Variants in OTUD7A observed in about 807,000 individuals in gnomAD.
OTUD7A encodes the protein OTU domain-containing protein 7A.
OTUD7A carries 12 observed loss-of-function variants against 65.7 expected under a neutral mutation model. The ratio of observed to expected loss-of-function variants is 0.18; its 90% confidence interval spans 0.12 to 0.30. The LOEUF (loss-of-function observed/expected upper bound fraction) is 0.30, where lower values mean the gene tolerates loss of function less well. Ranked by LOEUF, OTUD7A falls within the 10% of genes least tolerant of loss-of-function variation. The pLI, the probability that OTUD7A is intolerant of heterozygous loss-of-function variation, is 1.00. For missense variants in OTUD7A, 1,148 were observed against 1,304.8 expected (o/e 0.88, Z 1.85); for synonymous variants, 641 against 586.3 (o/e 1.09, Z -1.35).
chr15:31,615,565 T>C (rs1890561091), intron 3 of OTUD7A, among the ~76,000 whole-genome samples: 1 of 152,208 alleles, frequency 6.6e-6, no homozygotes, highest in Admixed American at 6.5e-5. Context: ...ATAATCAGTA[T>C]GGATTTAAAT....
chr15:31,853,983 A>C (rs1408551598), intron 1 of OTUD7A, among the ~76,000 whole-genome samples: 1 of 152,220 alleles, frequency 6.6e-6, no homozygotes, highest in African/African-American at 2.4e-5. Context: ...CTTTATAAAA[A>C]TATTTCCCAT....
intron 12 of OTUD7A, among the ~76,000 whole-genome samples, chr15:31,485,435 C>T (rs1372771240): frequency 1.3e-5 from 2 of 152,126 alleles, no homozygotes; most frequent in Admixed American, 6.5e-5. Flanking sequence ...GGCCTGCGCT[C>T]AGCAAAAAAG....
At chr15:31,799,600 C>G (rs1253400365) in intron 1 of OTUD7A, among the ~76,000 whole-genome samples, 1 of 152,172 alleles carries the variant, frequency 6.6e-6, no homozygotes, top group African/African-American at 2.4e-5. Context: ...AGGCATCCAC[C>G]TGCAGGTCAA....
intron 1 of OTUD7A, among the ~76,000 whole-genome samples, chr15:31,869,722 TTTTATTACA>T (rs1227784596): frequency 1.3e-5 from 2 of 152,154 alleles, no homozygotes; most frequent in Non-Finnish European, 2.9e-5. Flanking sequence ...GGCAAATCCA[TTTTATTACA>T]GAGATTCTCA....
chr15:31,497,015 A>T (rs966849102), intron 10 of OTUD7A, among the ~76,000 whole-genome samples: 2 of 152,088 alleles, frequency 1.3e-5, no homozygotes, highest in Admixed American at 1.3e-4. Flanking sequence ...TGCAGTCTGC[A>T]GCCGTTTCAG....
chr15:31,835,469 T>C (rs1022699925), intron 1 of OTUD7A, among the ~76,000 whole-genome samples: 3 of 152,208 alleles, frequency 2.0e-5, no homozygotes, highest in African/African-American at 4.8e-5. Context: ...GGTGAGGCCA[T>C]GTGCAGCAAA....
intron 5 of OTUD7A, among the ~76,000 whole-genome samples, chr15:31,549,029 G>C (rs1888228804): frequency 6.6e-6 from 1 of 151,834 alleles, no homozygotes; most frequent in Admixed American, 6.6e-5. Context: ...CCAGCTACTT[G>C]GGAGGCTAAG....
chr15:31,725,587 T>C (rs773672998), intron 1 of OTUD7A, among the ~76,000 whole-genome samples: 1 of 152,208 alleles, frequency 6.6e-6, no homozygotes, highest in Non-Finnish European at 1.5e-5. Flanking sequence ...GGATAGACTG[T>C]GGTTGGCATT....
chr15:31,672,075 T>C (rs1480093445), intron 1 of OTUD7A, among the ~76,000 whole-genome samples: 2 of 152,236 alleles, frequency 1.3e-5, no homozygotes, highest in Non-Finnish European at 2.9e-5. Context: ...TGAGCTATGG[T>C]TTTTACTTTT....
In OTUD7A at chr15:31,559,007, A is replaced by C; in HGVS notation, c.512T>G (p.Leu171Trp). The change falls in exon 5 of 13, where the codon TTG (leucine) becomes TGG (tryptophan). Residue 171 changes from leucine (L) to tryptophan (W), a missense_variant. Coordinates refer to ENST00000307050, the MANE Select transcript of OTUD7A (RefSeq NM_001382637.1). Reference protein sequence around the residue: ...EDFRSFIERDLIEQATMVALE... With the variant: ...EDFRSFIERDWIEQATMVALE... ...AGCCACCATTGTTGCCTGCTCGATC[A>C]AGTCCCGCTCGATGAAGCTCCTGAA... 6.2e-7 allele frequency: 1 copy of C among 1,614,194 alleles called. No individual in the cohort carries two copies. The highest frequency in any genetic ancestry group is 8.5e-7 in the Non-Finnish European group (1 of 1,180,018).
chr15:31,813,952 T>C (rs1483375715), intron 1 of OTUD7A, among the ~76,000 whole-genome samples: 1 of 152,170 alleles, frequency 6.6e-6, no homozygotes, highest in East Asian at 1.9e-4. Flanking sequence ...ATTACTGTAA[T>C]GCCTTAATTC....
intron 1 of OTUD7A, among the ~76,000 whole-genome samples, chr15:31,745,171 G>A (rs80174950): frequency 6.6e-6 from 1 of 151,880 alleles, no homozygotes; most frequent in East Asian, 1.9e-4. Context: ...AATCCCAGTA[G>A]GCCTTTTTGT....
At chr15:31,829,877 C>T (rs1896888904) in intron 1 of OTUD7A, among the ~76,000 whole-genome samples, 1 of 152,190 alleles carries the variant, frequency 6.6e-6, no homozygotes, top group East Asian at 1.9e-4. Flanking sequence ...CCAAACAAGC[C>T]TCAAAGCCAC....
intron 5 of OTUD7A, among the ~76,000 whole-genome samples, chr15:31,551,343 C>T (rs943830748): frequency 2.6e-5 from 4 of 152,212 alleles, no homozygotes; most frequent in Non-Finnish European, 4.4e-5. Flanking sequence ...CTATTCCTGG[C>T]TTTGACAGAG....
chr15:31,682,618 C>A (rs1166639670), intron 1 of OTUD7A, among the ~76,000 whole-genome samples: 2 of 152,036 alleles, frequency 1.3e-5, no homozygotes, highest in African/African-American at 4.8e-5. Flanking sequence ...TAGACTTTTC[C>A]AAAAAATGAT....
At chr15:31,858,075 A>C (rs1897623901) in intron 1 of OTUD7A, among the ~76,000 whole-genome samples, 1 of 152,244 alleles carries the variant, frequency 6.6e-6, no homozygotes. Flanking sequence ...GAAAGGGCAG[A>C]ACTTATTCTC....
At chr15:31,791,300 C>T (rs552768591) in intron 1 of OTUD7A, among the ~76,000 whole-genome samples, 1 of 152,322 alleles carries the variant, frequency 6.6e-6, no homozygotes, top group Admixed American at 6.5e-5. Flanking sequence ...GCTGGGATTA[C>T]AGGCATAAGC....
At chr15:31,503,070 T>C (rs1339351258) in intron 9 of OTUD7A, among the ~76,000 whole-genome samples, 1 of 152,186 alleles carries the variant, frequency 6.6e-6, no homozygotes, top group Non-Finnish European at 1.5e-5. Context: ...GCTGGGGACA[T>C]TGCCTAGCCT....
rs1284377978 is a variant in OTUD7A at position 31,477,271 on chromosome 15, T to G, written c.*6023A>C. 2.0e-5 allele frequency: 3 copies of G among 152,362 alleles called. No homozygotes were observed. Among genetic ancestry groups the G allele is most frequent in the Non-Finnish European group, 4.4e-5 (3 of 68,142 alleles). 9.4% of individuals were successfully genotyped at this position (152,362 alleles called of 1,614,324 possible). On this transcript the variant is annotated 3_prime_UTR_variant, in exon 13 of 13. Coordinates refer to ENST00000307050, the MANE Select transcript of OTUD7A (RefSeq NM_001382637.1). ...CCATCTGCTGCCACCCGTGTTGAAC[T>G]GGGAAGGACTGGGAGACACCTAAAG...
Sources: gnomAD v4.1 joint callset for allele counts (sites outside exome capture counted in the v4.1 genomes callset) on GRCh38, gnomAD v4.1.1 for gene constraint, MANE v1.5 for transcripts, NCBI Gene and HGNC (gene_info 2026-07-23, HGNC 2026-07-21) for gene names.